The following UQCRC1 variants were observed in gnomAD, a reference collection of about 807,000 sequenced individuals.
UQCRC1 encodes ubiquinol-cytochrome c reductase core protein 1, also known as cytochrome b-c1 complex subunit 1, mitochondrial.
In UQCRC1, 34 loss-of-function variants were observed where a neutral mutation model predicts 58.0. That is an observed-to-expected ratio of 0.59 (90% CI 0.45 to 0.78). The LOEUF (loss-of-function observed/expected upper bound fraction) is 0.78. Ranked by LOEUF, UQCRC1 falls within the 30% of genes least tolerant of loss-of-function variation. The pLI, the probability that UQCRC1 is intolerant of heterozygous loss-of-function variation, is 0.00. For missense variants in UQCRC1, 610 were observed against 646.0 expected (o/e 0.94, Z 0.60); for synonymous variants, 276 against 248.8 (o/e 1.11, Z -1.03).
Position 48,600,539 on chromosome 3 carries a change from T to G in UQCRC1, c.1156A>C (p.Ser386Arg), listed in dbSNP as rs1367366983. Residue 386 changes from serine (S) to arginine (R), a missense_variant, in exon 10 of 13, where the codon AGT becomes CGT. Ser to Arg is a moderately radical substitution (Grantham distance 110, BLOSUM62 -1). Transcript: ENST00000203407. ...WMRLCTSATE[S>R]EVARGKNILR... ...ATGTTTTTGCCCCGGGCCACCTCACTCTCCGTGGCACTGGTACACAGGCGC... is the reference window on the plus strand; with the variant it reads ...ATGTTTTTGCCCCGGGCCACCTCACGCTCCGTGGCACTGGTACACAGGCGC... The G allele has an allele frequency of 1.2e-6, 2 of 1,614,076 alleles. No homozygotes were observed. Among genetic ancestry groups the G allele is most frequent in the Non-Finnish European group, 1.7e-6 (2 of 1,180,008 alleles).
At position 48,599,860 on chromosome 3, in the gene UQCRC1, A is replaced by G. The variant is rs902252442; in HGVS notation, c.1303-150T>C. ...GAAAGGCAGAAGGGATCCCTGCTAT[A>G]GACCTCCATGGGCCCCGCCCATCTC... On this transcript the variant is annotated intron_variant, in intron 11 of 12. Coordinates refer to ENST00000203407, the MANE Select transcript of UQCRC1 (RefSeq NM_003365.3). 53 of 1,029,528 alleles carry G rather than the reference A, an allele frequency of 5.1e-5. 1 individual carries two copies. Among genetic ancestry groups the G allele is most frequent in the Admixed American group, 1.8e-4 (9 of 50,344 alleles). 63.8% of individuals were successfully genotyped at this position (1,029,528 alleles called of 1,614,324 possible).
intron 2 of UQCRC1, among the ~76,000 whole-genome samples, chr3:48,606,809 T>C (rs974884704): frequency 2.0e-5 from 3 of 152,038 alleles, no homozygotes; most frequent in Non-Finnish European, 2.9e-5. Flanking sequence ...GTCTAGTCTT[T>C]TAATTTACTA....
chr3:48,608,271 C>T (rs1203516593), intron 2 of UQCRC1, among the ~76,000 whole-genome samples: 1 of 151,896 alleles, frequency 6.6e-6, no homozygotes, highest in Non-Finnish European at 1.5e-5. Flanking sequence ...GATGTCAATG[C>T]ATATACCATA....
chr3:48,607,348 T>C (rs2046423716), intron 2 of UQCRC1, among the ~76,000 whole-genome samples: 1 of 152,166 alleles, frequency 6.6e-6, no homozygotes, highest in African/African-American at 2.4e-5. Context: ...GCCTAATTTT[T>C]GTATTTTTAG....
intron 2 of UQCRC1, among the ~76,000 whole-genome samples, chr3:48,607,065 G>A (rs1307095101): frequency 8.7e-5 from 13 of 149,162 alleles, no homozygotes; most frequent in East Asian, 2.0e-4. Context: ...TTTTTGAGAC[G>A]GAGTCTCGCT....
chr3:48,604,715 A>G lies in UQCRC1; in HGVS notation c.363T>C (p.Asn121=). 6.2e-7 allele frequency: 1 copy of G among 1,614,126 alleles called. No individual in the cohort carries two copies. The highest frequency in any genetic ancestry group is 8.5e-7 in the Non-Finnish European group (1 of 1,180,016). The change falls in exon 4 of 13, where the codon AAT becomes AAC. Residue 121 remains asparagine (N), a synonymous_variant. Coordinates refer to ENST00000203407, the MANE Select transcript of UQCRC1 (RefSeq NM_003365.3). ...CTGTGTGCTCCCGGGTGCTGTAGGC[A>G]TTAAGATGGGCCCCCATGCTCTCCA... The part of the protein sequence containing the change: ...KEVESMGAHL[N]AYSTREHTAY...
At position 48,599,666 on chromosome 3, in the gene UQCRC1, G is replaced by C; in HGVS notation, c.1347C>G (p.Ile449Met). 1 of 1,613,940 alleles carries C rather than the reference G, an allele frequency of 6.2e-7. No individual in the cohort carries two copies. The highest frequency in any genetic ancestry group is 8.5e-7 in the Non-Finnish European group (1 of 1,179,988). The change falls in exon 12 of 13, where the codon ATC (isoleucine) becomes ATG (methionine). Residue 449 changes from isoleucine to methionine, a missense_variant. By Grantham distance (10) the Ile-to-Met change is conservative. Coordinates refer to ENST00000203407, the MANE Select transcript of UQCRC1 (RefSeq NM_003365.3). ...CAGCCACTGCTGGGCACTGGTCATAGATGTACTTGGAGCAGATCTCACGTA... is the reference window on the plus strand; with the variant it reads ...CAGCCACTGCTGGGCACTGGTCATACATGTACTTGGAGCAGATCTCACGTA... ...SVVREICSKYIYDQCPAVAGY... is the reference protein window; with the variant it reads ...SVVREICSKYMYDQCPAVAGY...
In UQCRC1 at chr3:48,599,221, G is replaced by C. The variant is rs761114914; in HGVS notation, c.1379-29C>G. 6 of 1,575,432 alleles carry C rather than the reference G, an allele frequency of 3.8e-6. No homozygotes were observed. The South Asian group carries it at 4.7e-5, about 12-fold the overall frequency. On this transcript the variant is annotated intron_variant, in intron 12 of 12. Transcript: ENST00000203407. ...TGGGGATAGGGTGGAGCGTCAGGGT[G>C]GGGTACCTGGCCTGCACAGGGACAC...
chr3:48,603,989 ACTTC>A, intron 5 of UQCRC1: 3 of 594,370 alleles, frequency 5.0e-6, no homozygotes, highest in Non-Finnish European at 8.9e-6. Flanking sequence ...ACACCCAGAC[ACTTC>A]GCCCTTGGAC....
intron 6 of UQCRC1, among the ~76,000 whole-genome samples, chr3:48,602,966 G>C (rs1168949965): frequency 6.6e-6 from 1 of 152,032 alleles, no homozygotes; most frequent in East Asian, 1.9e-4. Context: ...CCCCTCTCTA[G>C]CCAGCCTACC....
At position 48,609,613 on chromosome 3, in the gene UQCRC1, G is replaced by A. The variant is rs867784126; in HGVS notation, c.8C>T (p.Ala3Val). Reference protein sequence around the residue: MAASVVCRAATAG... With the variant: MAVSVVCRAATAG... ...GGTAGCGGCCCGACAGACCACGGAC[G>A]CCGCCATCTTCCAGCTGCAGTCGGC... The change falls in exon 1 of 13, where the codon GCG becomes GTG. Residue 3 changes from alanine to valine, a missense_variant. Coordinates refer to ENST00000203407, the MANE Select transcript of UQCRC1 (RefSeq NM_003365.3). The A allele has an allele frequency of 6.4e-7, 1 of 1,568,132 alleles. No homozygotes were observed. The highest frequency in any genetic ancestry group is 8.6e-7 in the Non-Finnish European group (1 of 1,160,766).
chr3:48,600,196 T>G (rs1401050996), intron 10 of UQCRC1, 45 bp from the exon 11 acceptor site: 1 of 1,600,602 alleles, frequency 6.2e-7, no homozygotes, highest in Admixed American at 1.7e-5. Context: ...AGCCCAATCC[T>G]GGACCCACAG....
intron 2 of UQCRC1, among the ~76,000 whole-genome samples, chr3:48,608,681 C>G (rs963900952): frequency 1.3e-5 from 2 of 152,200 alleles, no homozygotes; most frequent in African/African-American, 4.8e-5. Context: ...CTCAAGATTT[C>G]TTGTGTCAAT....
In UQCRC1 at chr3:48,609,284, G is replaced by A; in HGVS notation, c.88C>T (p.Pro30Ser). Residue 30 changes from proline (P) to serine (S), a missense_variant, in exon 2 of 13, where the codon CCA becomes TCA. By Grantham distance (74) the Pro-to-Ser change is moderately conservative. Transcript: ENST00000203407. Reference sequence around the variant, plus strand: ...AAGGTTGCCGTACTCCGCAAGGCTGGCGTCCGCAGCAGGGCCGGCTGTGGA... The same window carrying A: ...AAGGTTGCCGTACTCCGCAAGGCTGACGTCCGCAGCAGGGCCGGCTGTGGA... Reference protein sequence around the residue: ...ARRSPALLRTPALRSTATFAQ... With the variant: ...ARRSPALLRTSALRSTATFAQ... The A allele has an allele frequency of 1.2e-6, 2 of 1,610,100 alleles. No homozygotes were observed. The highest frequency in any genetic ancestry group is 1.7e-6 in the Non-Finnish European group (2 of 1,177,772).
At chr3:48,604,517 G>A in intron 4 of UQCRC1, 86 bp from the exon 5 acceptor site, 5 of 1,584,268 alleles carry the variant, frequency 3.2e-6, no homozygotes, top group South Asian at 1.1e-5. Context: ...GGCATCTCCT[G>A]CTGCCCACCC....
chr3:48,606,741 CAAA>C (rs1356140060), intron 2 of UQCRC1, among the ~76,000 whole-genome samples: 4 of 107,510 alleles, frequency 3.7e-5, no homozygotes, highest in Admixed American at 1.0e-4. Flanking sequence ...GACTCCATCT[CAAA>C]AAAAAAAAAA....
At chr3:48,604,939 A>C (rs1171346196) in intron 3 of UQCRC1, among the ~76,000 whole-genome samples, 159 bp from the exon 4 acceptor site, 1 of 152,178 alleles carries the variant, frequency 6.6e-6, no homozygotes, top group Admixed American at 6.5e-5. Flanking sequence ...CCAAGCACTA[A>C]GCAGGCCTTG....
Position 48,604,333 on chromosome 3 carries a change from C to A in UQCRC1, c.526G>T (p.Asp176Tyr). 6.2e-7 allele frequency: 1 copy of A among 1,614,078 alleles called. No individual in the cohort carries two copies. Among genetic ancestry groups the A allele is most frequent in the Non-Finnish European group, 8.5e-7 (1 of 1,179,972 alleles). The change falls in exon 5 of 13, where the codon GAT becomes TAT. Residue 176 changes from aspartate (D) to tyrosine (Y), a missense_variant. Coordinates refer to ENST00000203407, the MANE Select transcript of UQCRC1 (RefSeq NM_003365.3). ...DVILREMQEN[D>Y]ASMRDVVFNY... ...AAGACCACATCTCGCATAGATGCAT[C>A]ATTCTCCTGCATCTCCCGCAGGATC...
rs2046357829 is a variant in UQCRC1 at position 48,600,840 on chromosome 3, G to C, written c.967C>G (p.His323Asp). 1 of 1,613,814 alleles carries C rather than the reference G, an allele frequency of 6.2e-7. No homozygotes were observed. The highest frequency in any genetic ancestry group is 1.7e-5 in the Admixed American group (1 of 60,032). Residue 323 changes from histidine to aspartate, a missense_variant and splice_region_variant, in exon 9 of 13, where the codon CAC (histidine) becomes GAC (aspartate). Physicochemically the swap from His to Asp is moderately conservative, Grantham distance 81. Transcript: ENST00000203407. The stretch of plus-strand genomic sequence containing the variant: ...CCTGAAGCCAGTGGGCTGGACAGGT[G>C]CTGCCAGGGGGATAGGTGGTCAGCA... Reference protein sequence around the residue: ...HYDCTYGGGVHLSSPLASGAV... With the variant: ...HYDCTYGGGVDLSSPLASGAV...
Sources: allele counts gnomAD v4.1 joint callset (sites outside exome capture counted in the v4.1 genomes callset), GRCh38; gene constraint gnomAD v4.1.1; transcripts MANE v1.5; gene names NCBI Gene and HGNC (gene_info 2026-07-23, HGNC 2026-07-21).